Variants in ZNF385D observed in about 807,000 individuals in gnomAD.
ZNF385D encodes zinc finger protein 385D.
A neutral mutation model predicts 35.8 loss-of-function variants in ZNF385D; 15 were observed. That is an observed-to-expected ratio of 0.42 (90% CI 0.28 to 0.64). The LOEUF is 0.64. ZNF385D is among the 30% of genes least tolerant of loss of function. The pLI is 0.23. For synonymous variants in ZNF385D, 212 were observed against 186.8 expected, an observed-to-expected ratio of 1.13 and a Z score of -1.10; for missense variants, 474 against 494.6, an observed-to-expected ratio of 0.96 and a Z score of 0.39.
chr3:22,133,182 G>C (rs963126114), intron 3 of ZNF385D, among the ~76,000 whole-genome samples: 2 of 152,028 alleles, frequency 1.3e-5, no homozygotes, highest in African/African-American at 4.8e-5. Context: ...TATAAACAAA[G>C]GATTTGGATT....
At chr3:21,890,859 C>A (rs920201835) in intron 3 of ZNF385D, among the ~76,000 whole-genome samples, 1 of 152,078 alleles carries the variant, frequency 6.6e-6, no homozygotes, top group East Asian at 1.9e-4. Context: ...ACACCATGAA[C>A]TTTCAGTGGT....
chr3:21,854,457 G>T (rs540415448), intron 3 of ZNF385D, among the ~76,000 whole-genome samples: 1 of 151,870 alleles, frequency 6.6e-6, no homozygotes, highest in Non-Finnish European at 1.5e-5. Flanking sequence ...TCATGGGCAC[G>T]CAACCTTGGC....
At chr3:22,126,879 A>C (rs974353189) in intron 3 of ZNF385D, among the ~76,000 whole-genome samples, 2 of 152,144 alleles carry the variant, frequency 1.3e-5, no homozygotes, top group Non-Finnish European at 2.9e-5. Context: ...TACAGTTATA[A>C]TTGGTATATC....
chr3:22,096,330 T>A (rs1437102139), intron 3 of ZNF385D, among the ~76,000 whole-genome samples: 1 of 149,144 alleles, frequency 6.7e-6, no homozygotes, highest in Non-Finnish European at 1.5e-5. Context: ...TTGAAACTAT[T>A]TTTTTAAATA....
chr3:22,059,440 G>T (rs779191837), intron 3 of ZNF385D, among the ~76,000 whole-genome samples: 4 of 152,156 alleles, frequency 2.6e-5, no homozygotes, highest in Non-Finnish European at 5.9e-5. Context: ...CTTGTGGTTG[G>T]TTTTAAGAAT....
intron 3 of ZNF385D, among the ~76,000 whole-genome samples, chr3:21,552,487 G>A (rs1295256512): frequency 6.6e-6 from 1 of 152,080 alleles, no homozygotes; most frequent in Non-Finnish European, 1.5e-5. Context: ...TGCAATGATT[G>A]TTTGGTTTGT....
chr3:22,135,914 T>C (rs144955752), intron 3 of ZNF385D, among the ~76,000 whole-genome samples: 321 of 152,178 alleles, frequency 2.1e-3, no homozygotes, highest in South Asian at 0.011. Context: ...ACTAAGACAA[T>C]TGCACATCCA....
chr3:21,962,727 A>T (rs142823767), intron 3 of ZNF385D, among the ~76,000 whole-genome samples: 18 of 151,962 alleles, frequency 1.2e-4, no homozygotes, highest in African/African-American at 2.7e-4. Context: ...GAACCAGATG[A>T]TTTTCTTTTT....
At chr3:22,103,481 T>C (rs746880039) in intron 3 of ZNF385D, among the ~76,000 whole-genome samples, 4 of 152,126 alleles carry the variant, frequency 2.6e-5, no homozygotes, top group South Asian at 2.1e-4. Context: ...TTTCATAAAC[T>C]TGTGTTCTCA....
intron 2 of ZNF385D, among the ~76,000 whole-genome samples, chr3:21,605,571 C>T (rs1325836271): frequency 1.3e-5 from 2 of 152,126 alleles, no homozygotes; most frequent in Non-Finnish European, 2.9e-5. Context: ...CCTAATCACA[C>T]TAACTAAAAG....
At chr3:22,234,772 T>C (rs1335873988) in intron 2 of ZNF385D, among the ~76,000 whole-genome samples, 2 of 152,052 alleles carry the variant, frequency 1.3e-5, no homozygotes, top group East Asian at 3.9e-4. Context: ...CGAATGGAAA[T>C]ACTATGAAAT....
At chr3:21,621,059 G>T (rs2064991989) in intron 2 of ZNF385D, among the ~76,000 whole-genome samples, 1 of 152,038 alleles carries the variant, frequency 6.6e-6, no homozygotes, top group Admixed American at 6.6e-5. Context: ...TTAAGCAATG[G>T]AAAGCAGTCT....
At chr3:21,585,683 A>G (rs536956925) in intron 2 of ZNF385D, among the ~76,000 whole-genome samples, 5 of 152,332 alleles carry the variant, frequency 3.3e-5, no homozygotes, top group African/African-American at 1.2e-4. Flanking sequence ...CCAAATTTCA[A>G]ACTACTCCAA....
chr3:22,354,373 T>C (rs1248745192), intron 2 of ZNF385D, among the ~76,000 whole-genome samples: 2 of 152,132 alleles, frequency 1.3e-5, no homozygotes, highest in African/African-American at 2.4e-5. Context: ...TGATAAATGT[T>C]GGCTGCTGTT....
At chr3:21,589,104 A>G (rs944576217) in intron 2 of ZNF385D, among the ~76,000 whole-genome samples, 1 of 152,208 alleles carries the variant, frequency 6.6e-6, no homozygotes. Context: ...AGAGTATTGG[A>G]AAAAATAAGG....
chr3:21,945,368 CAT>C (rs144196848), intron 3 of ZNF385D, among the ~76,000 whole-genome samples: 1,523 of 152,206 alleles, frequency 0.01, 76 homozygotes, highest in Admixed American at 0.089. Flanking sequence ...ATGCAAAATG[CAT>C]GTTTATGGTG....
chr3:21,824,185 G>T (rs1467351772), intron 3 of ZNF385D, among the ~76,000 whole-genome samples: 1 of 152,162 alleles, frequency 6.6e-6, no homozygotes, highest in Non-Finnish European at 1.5e-5. Context: ...TGCACCACTG[G>T]AGGCCCTGAG....
intron 2 of ZNF385D, among the ~76,000 whole-genome samples, chr3:22,365,707 G>A: frequency 6.6e-6 from 1 of 152,032 alleles, no homozygotes; most frequent in Non-Finnish European, 1.5e-5. Context: ...ATAAACACTT[G>A]TCATTTAACA....
chr3:21,532,040 T>G (rs965651972), intron 3 of ZNF385D, among the ~76,000 whole-genome samples: 1 of 151,724 alleles, frequency 6.6e-6, no homozygotes, highest in Non-Finnish European at 1.5e-5. Flanking sequence ...TACTGTGAGC[T>G]TCAAACTGCT....
Sources: gnomAD v4.1 joint callset for allele counts (sites outside exome capture counted in the v4.1 genomes callset) on GRCh38, gnomAD v4.1.1 for gene constraint, MANE v1.5 for transcripts, NCBI Gene and HGNC (gene_info 2026-07-23, HGNC 2026-07-21) for gene names.